Variants in GRK5 observed in about 807,000 individuals in gnomAD.
GRK5 encodes the protein g protein-coupled receptor kinase GRK5.
In GRK5, 40 loss-of-function variants were observed where a neutral mutation model predicts 78.4. The observed-to-expected ratio is 0.51, with a 90% CI of 0.40 to 0.66. GRK5 has a LOEUF of 0.66. GRK5 is among the 30% of genes least tolerant of loss of function. The pLI is 0.00. For missense variants in GRK5, 598 were observed against 759.9 expected (o/e 0.79, Z 2.50); for synonymous variants, 289 against 296.8 (o/e 0.97, Z 0.27).
chr10:119,406,501 G>A, intron 4 of GRK5: 1 of 984,728 alleles, frequency 1.0e-6, no homozygotes, highest in African/African-American at 1.7e-5. Flanking sequence ...CATTCTCCCT[G>A]GGGCTTGGGG....
chr10:119,371,715 G>C (rs1170351636), intron 2 of GRK5, among the ~76,000 whole-genome samples: 2 of 152,212 alleles, frequency 1.3e-5, no homozygotes, highest in African/African-American at 4.8e-5. Flanking sequence ...GGAGAGTCAA[G>C]GTTCCTTTTT....
At chr10:119,386,041 C>T (rs1589778140) in intron 3 of GRK5, among the ~76,000 whole-genome samples, 1 of 152,194 alleles carries the variant, frequency 6.6e-6, no homozygotes, top group African/African-American at 2.4e-5. Flanking sequence ...CACACCACCA[C>T]GCCCAGCTAA....
intron 1 of GRK5, among the ~76,000 whole-genome samples, chr10:119,300,835 G>A (rs1850167161): frequency 1.3e-5 from 2 of 152,176 alleles, no homozygotes; most frequent in South Asian, 4.1e-4. Flanking sequence ...GCTCATGCCT[G>A]TAATCCCAGC....
At chr10:119,273,031 C>T (rs985697061) in intron 1 of GRK5, among the ~76,000 whole-genome samples, 3 of 152,174 alleles carry the variant, frequency 2.0e-5, no homozygotes, top group East Asian at 3.8e-4. Context: ...GATTCTTTTA[C>T]GGAACCAAAG....
At chr10:119,446,070 A>G (rs969162354) in intron 12 of GRK5, among the ~76,000 whole-genome samples, 3 of 151,874 alleles carry the variant, frequency 2.0e-5, no homozygotes, top group African/African-American at 7.3e-5. Flanking sequence ...CTTGCCTTTC[A>G]GCCGTCTTGG....
At chr10:119,372,849 T>C (rs984216469) in intron 2 of GRK5, among the ~76,000 whole-genome samples, 4 of 152,248 alleles carry the variant, frequency 2.6e-5, no homozygotes, top group African/African-American at 7.2e-5. Flanking sequence ...GCCTGGGCCC[T>C]GTGCTCATCT....
rs58171371 is a variant in GRK5, at chr10:119,253,847, GGT to G, written c.52+45903_52+45904del. ...GTTCCTGGTGGTTCTTTGCCCCAGG[GGT>G]GTGTGTGTGTGTGTGTGTGTGTGTA... On this transcript the variant is annotated intron_variant, in intron 1 of 15. Coordinates refer to ENST00000392870, the MANE Select transcript of GRK5 (RefSeq NM_005308.3). The surrounding 1 kb of genome is among the most constrained non-coding windows in gnomAD (Gnocchi z 5.7). Among the ~76,000 whole-genome samples, 28,477 of 150,246 alleles carry G rather than the reference GGT, an allele frequency of 0.19. 3,696 individuals carry two copies. The highest frequency in any genetic ancestry group is 0.36 in the African/African-American group (14,872 of 40,886).
In GRK5 at chr10:119,269,534, C is replaced by A. The variant is rs572551495; in HGVS notation, c.53-56982C>A. On this transcript the variant is annotated intron_variant, in intron 1 of 15. Coordinates refer to ENST00000392870, the MANE Select transcript of GRK5 (RefSeq NM_005308.3). ...GGGGAGTCAGGGTTAGGTTTAGGGTCAAGACTGATATAATGGCCAGGCACA... is the reference window on the plus strand; with the variant it reads ...GGGGAGTCAGGGTTAGGTTTAGGGTAAAGACTGATATAATGGCCAGGCACA... Among the ~76,000 whole-genome samples the A allele has an allele frequency of 2.3e-4, 35 of 151,958 alleles. 1 individual carries two copies. The highest frequency in any genetic ancestry group is 3.4e-3 in the Middle Eastern group (1 of 294).
intron 1 of GRK5, among the ~76,000 whole-genome samples, chr10:119,235,759 A>G (rs1848914361): frequency 6.6e-6 from 1 of 152,140 alleles, no homozygotes; most frequent in South Asian, 2.1e-4. Flanking sequence ...CATCAGTTTC[A>G]TGGGAACAGG....
chr10:119,264,498 G>A lies in GRK5; in HGVS notation c.52+56529G>A, dbSNP rs1231286267. ...TCATCCTTCTCCCCATGACGATAAA[G>A]ATGGCCAGTGGCTGTGTGTCCTTAA... On this transcript the variant is annotated intron_variant, in intron 1 of 15. Transcript: ENST00000392870. This position sits in a 1 kb window ranked among gnomAD's most constrained non-coding sequence, Gnocchi z 4.1. Among the ~76,000 whole-genome samples, 1 of 152,176 alleles carries A rather than the reference G, an allele frequency of 6.6e-6. No homozygotes were observed. The highest frequency in any genetic ancestry group is 6.5e-5 in the Admixed American group (1 of 15,280).
intron 1 of GRK5, among the ~76,000 whole-genome samples, chr10:119,313,218 GTGACGGTAGTGATGA>G (rs1850421694): frequency 6.7e-6 from 1 of 148,190 alleles, no homozygotes; most frequent in African/African-American, 2.5e-5. Context: ...AGTGGTGGTG[GTGACGGTAGTGATGA>G]TGGTGGTGGT....
At chr10:119,345,772 A>G (rs1851079743) in intron 2 of GRK5, among the ~76,000 whole-genome samples, 1 of 151,814 alleles carries the variant, frequency 6.6e-6, no homozygotes, top group African/African-American at 2.4e-5. Context: ...ATGGTGGGTA[A>G]TAGCGTGTTT....
chr10:119,284,627 C>T (rs1297911391), intron 1 of GRK5, among the ~76,000 whole-genome samples: 1 of 152,190 alleles, frequency 6.6e-6, no homozygotes, highest in Non-Finnish European at 1.5e-5. Context: ...GGCTTTGGCG[C>T]AGAACAGGCT....
intron 1 of GRK5, among the ~76,000 whole-genome samples, chr10:119,291,113 A>T (rs1309164928): frequency 6.6e-6 from 1 of 151,988 alleles, no homozygotes; most frequent in Non-Finnish European, 1.5e-5. Context: ...GGGATGGGGG[A>T]TGTGCTAGAG....
At chr10:119,389,962 A>G (rs1424068245) in intron 3 of GRK5, among the ~76,000 whole-genome samples, 1 of 152,230 alleles carries the variant, frequency 6.6e-6, no homozygotes, top group Non-Finnish European at 1.5e-5. Flanking sequence ...TCCAGGAGCC[A>G]GGAGCTTACA....
At position 119,381,777 on chromosome 10, in the gene GRK5, C is replaced by T. The variant is rs375656438; in HGVS notation, c.261+850C>T. Reference sequence around the variant, plus strand: ...TCCCCTCCCCGCCAGGTGCAGGGGCCGAGAGGCTGCTGTTTCCTGAAGGGC... The same window carrying T: ...TCCCCTCCCCGCCAGGTGCAGGGGCTGAGAGGCTGCTGTTTCCTGAAGGGC... On this transcript the variant is annotated intron_variant, in intron 3 of 15. Coordinates refer to ENST00000392870, the MANE Select transcript of GRK5 (RefSeq NM_005308.3). Among the ~76,000 whole-genome samples, 35 of 152,246 alleles carry T rather than the reference C, an allele frequency of 2.3e-4. No homozygotes were observed. In the South Asian group the frequency reaches 3.9e-3, roughly 17 times the overall value.
At position 119,431,443 on chromosome 10, in the gene GRK5, G is replaced by A. The variant is rs761362012; in HGVS notation, c.654G>A (p.Glu218=). ...TGKMYACKRL[E]KKRIKKRKGE... is the part of the protein sequence containing the mutation. ...AAATGTATGCCTGCAAGCGCTTGGA[G>A]AAGAAGAGGATCAAAAAGAGGAAAG... Residue 218 remains glutamate (E), a synonymous_variant, in exon 8 of 16, where the codon GAG becomes GAA. Coordinates refer to ENST00000392870, the MANE Select transcript of GRK5 (RefSeq NM_005308.3). The surrounding 1 kb of genome is among the most constrained non-coding windows in gnomAD (Gnocchi z 4.8). 5.6e-6 allele frequency: 9 copies of A among 1,613,936 alleles called. 1 individual carries two copies. The Admixed American group carries it at 1.3e-4, about 24-fold the overall frequency.
In GRK5 at chr10:119,217,241, C is replaced by T. The variant is rs901949267; in HGVS notation, c.52+9272C>T. 1.1e-4 allele frequency among the ~76,000 whole-genome samples: 17 copies of T among 152,102 alleles called. No individual in the cohort carries two copies. Among genetic ancestry groups the T allele is most frequent in the South Asian group, 2.1e-4 (1 of 4,832 alleles). On this transcript the variant is annotated intron_variant, in intron 1 of 15. Coordinates refer to ENST00000392870, the MANE Select transcript of GRK5 (RefSeq NM_005308.3). The surrounding 1 kb of genome is among the most constrained non-coding windows in gnomAD (Gnocchi z 4.1). ...TGGGAATATAATTTCTGTCTCAGACCGTGATTTCAGCTGAGGGCCAGTTTG... is the reference window on the plus strand; with the variant it reads ...TGGGAATATAATTTCTGTCTCAGACTGTGATTTCAGCTGAGGGCCAGTTTG...
intron 1 of GRK5, among the ~76,000 whole-genome samples, chr10:119,285,894 C>T (rs1399874601): frequency 6.6e-6 from 1 of 152,098 alleles, no homozygotes; most frequent in Non-Finnish European, 1.5e-5. Context: ...GGCAGAACGT[C>T]CTTGGGCAAG....
Sources: allele counts gnomAD v4.1 joint callset (sites outside exome capture counted in the v4.1 genomes callset), GRCh38; gene constraint gnomAD v4.1.1; non-coding constraint Gnocchi (gnomAD v3.1); transcripts MANE v1.5; gene names NCBI Gene and HGNC (gene_info 2026-07-23, HGNC 2026-07-21).